ROBO1: variants seen among roughly 807,000 people sequenced by gnomAD.
ROBO1 encodes roundabout guidance receptor 1.
In ROBO1, 149 loss-of-function variants were observed where a neutral mutation model predicts 195.9. The ratio of observed to expected loss-of-function variants is 0.76; its 90% CI spans 0.67 to 0.87. The LOEUF (loss-of-function observed/expected upper bound fraction) is 0.87, where lower values mean the gene tolerates loss of function less well. Among genes scored for constraint, ROBO1 ranks in the 40% least tolerant of loss-of-function variants. The probability of loss-of-function intolerance (pLI) is 0.00; values close to 1 mark genes in which losing one functional copy is unlikely to be tolerated. For missense variants in ROBO1, 1,933 were observed against 2,068.3 expected, an observed-to-expected ratio of 0.93 and a Z score of 1.27; for synonymous variants, 816 against 733.2, an observed-to-expected ratio of 1.11 and a Z score of -1.82.
At chr3:78,681,804 A>T (rs545229614) in intron 10 of ROBO1, among the ~76,000 whole-genome samples, 1 of 152,286 alleles carries the variant, frequency 6.6e-6, no homozygotes, top group South Asian at 2.1e-4. Context: ...CGAGAGGCTG[A>T]GGCAGGAGAA....
At chr3:78,782,269 T>A (rs2083700334) in intron 4 of ROBO1, among the ~76,000 whole-genome samples, 1 of 152,034 alleles carries the variant, frequency 6.6e-6, no homozygotes, top group African/African-American at 2.4e-5. Context: ...CAGTCTCAGC[T>A]CTCTGTAACC....
intron 4 of ROBO1, among the ~76,000 whole-genome samples, chr3:78,895,845 C>G (rs2037195084): frequency 6.6e-6 from 1 of 152,144 alleles, no homozygotes; most frequent in African/African-American, 2.4e-5. Flanking sequence ...TTCAGATGAC[C>G]TACTTGGCAA....
chr3:79,577,447 A>T (rs1414992168), intron 2 of ROBO1, among the ~76,000 whole-genome samples: 1 of 152,186 alleles, frequency 6.6e-6, no homozygotes, highest in East Asian at 1.9e-4. Flanking sequence ...AGCAAAATTG[A>T]TATATTGGAC....
intron 1 of ROBO1, among the ~76,000 whole-genome samples, chr3:79,708,938 A>G (rs1468425590): frequency 6.6e-6 from 1 of 151,386 alleles, no homozygotes; most frequent in Non-Finnish European, 1.5e-5. Context: ...GGTTTTTTGT[A>G]TTTTTTTTTC....
intron 2 of ROBO1, among the ~76,000 whole-genome samples, chr3:79,395,666 A>G (rs1356437198): frequency 2.6e-5 from 4 of 152,116 alleles, no homozygotes; most frequent in East Asian, 3.8e-4. Flanking sequence ...ATATATTTCT[A>G]TCAGTTTATA....
At chr3:78,786,123 T>G (rs2108503890) in intron 4 of ROBO1, among the ~76,000 whole-genome samples, 1 of 152,256 alleles carries the variant, frequency 6.6e-6, no homozygotes, top group South Asian at 2.1e-4. Context: ...GACTTCTGGG[T>G]TTGAAATTGA....
chr3:78,898,019 T>C (rs1287421870), intron 4 of ROBO1, among the ~76,000 whole-genome samples: 1 of 151,556 alleles, frequency 6.6e-6, no homozygotes, highest in African/African-American at 2.4e-5. Context: ...AATATATAAA[T>C]GCAGATAATT....
chr3:79,421,400 C>G (rs1230080502), intron 2 of ROBO1, among the ~76,000 whole-genome samples: 2 of 151,924 alleles, frequency 1.3e-5, no homozygotes, highest in Admixed American at 6.6e-5. Context: ...AAAGAGAGAC[C>G]TTACAGCATC....
intron 3 of ROBO1, among the ~76,000 whole-genome samples, chr3:79,068,381 T>C (rs1382210332): frequency 6.6e-6 from 1 of 151,912 alleles, no homozygotes; most frequent in East Asian, 2.0e-4. Flanking sequence ...ATGGTTAGGT[T>C]ACTGTTTTTC....
intron 2 of ROBO1, among the ~76,000 whole-genome samples, chr3:79,542,098 T>C (rs879335024): frequency 1.3e-5 from 2 of 151,882 alleles, no homozygotes; most frequent in African/African-American, 2.4e-5. Context: ...CATCCACTGG[T>C]GAGGAATAAT....
intron 2 of ROBO1, among the ~76,000 whole-genome samples, chr3:79,173,851 A>G (rs1049727195): frequency 6.6e-6 from 1 of 151,996 alleles, no homozygotes; most frequent in Non-Finnish European, 1.5e-5. Context: ...ACCAATCGGC[A>G]CTCTGTATCT....
In ROBO1 at chr3:78,994,479, G is replaced by A. The variant is rs184813794; in HGVS notation, c.173-55552C>T. ...TGTTGATGCCATTTGTTAGGATAGC[G>A]TTATCTTAACAAAGGGCATGACATT... On this transcript the variant is annotated intron_variant, in intron 3 of 30. Transcript: ENST00000464233. Among the ~76,000 whole-genome samples the A allele has an allele frequency of 3.9e-3, 598 of 152,208 alleles. 5 individuals carry two copies. Among genetic ancestry groups the A allele is most frequent in the African/African-American group, 0.014 (569 of 41,532 alleles).
chr3:79,163,637 T>G (rs2081012545), intron 2 of ROBO1, among the ~76,000 whole-genome samples: 1 of 152,130 alleles, frequency 6.6e-6, no homozygotes. Flanking sequence ...CATTTTACAT[T>G]TTGAACAGTG....
chr3:78,921,236 A>G (rs1022926482), intron 4 of ROBO1, among the ~76,000 whole-genome samples: 4 of 152,210 alleles, frequency 2.6e-5, no homozygotes, highest in Non-Finnish European at 2.9e-5. Flanking sequence ...TATCCCACTA[A>G]GTCAAATATA....
At chr3:79,490,011 C>T (rs944980354) in intron 2 of ROBO1, among the ~76,000 whole-genome samples, 1 of 152,080 alleles carries the variant, frequency 6.6e-6, no homozygotes, top group African/African-American at 2.4e-5. Context: ...GGGACAAATC[C>T]AAATAACCAT....
At chr3:79,231,183 C>A (rs2082313842) in intron 2 of ROBO1, among the ~76,000 whole-genome samples, 1 of 151,884 alleles carries the variant, frequency 6.6e-6, no homozygotes, top group African/African-American at 2.4e-5. Context: ...ATGAAGACAC[C>A]AAAAGCAATT....
chr3:78,660,783 C>T (rs947360552), intron 16 of ROBO1: 12 of 342,218 alleles, frequency 3.5e-5, no homozygotes, highest in Non-Finnish European at 3.7e-5. Flanking sequence ...TTTCTATATG[C>T]CATTAAGTAA....
intron 2 of ROBO1, among the ~76,000 whole-genome samples, chr3:79,349,668 A>G (rs772937388): frequency 2.0e-5 from 3 of 152,186 alleles, no homozygotes; most frequent in Non-Finnish European, 2.9e-5. Context: ...CTATGTGTGT[A>G]TCGTCAACTG....
chr3:79,575,545 A>C (rs1158375060), intron 2 of ROBO1, among the ~76,000 whole-genome samples: 3 of 140,864 alleles, frequency 2.1e-5, no homozygotes, highest in Admixed American at 7.6e-5. Flanking sequence ...ATATATATAA[A>C]TATATATAAC....
Sources: gnomAD v4.1 joint callset for allele counts (sites outside exome capture counted in the v4.1 genomes callset) on GRCh38, gnomAD v4.1.1 for gene constraint, MANE v1.5 for transcripts, NCBI Gene and HGNC (gene_info 2026-07-23, HGNC 2026-07-21) for gene names.